PIK3C2G: variants seen among roughly 807,000 people sequenced by gnomAD.
PIK3C2G encodes the protein phosphatidylinositol-4-phosphate 3-kinase catalytic subunit type 2 gamma, also known as phosphatidylinositol 3-kinase C2 domain-containing subunit gamma.
In PIK3C2G, 168 loss-of-function variants were observed where a neutral mutation model predicts 181.1. The observed-to-expected ratio is 0.93, with a 90% confidence interval of 0.82 to 1.05. The LOEUF (loss-of-function observed/expected upper bound fraction) is 1.05. Among genes scored for constraint, PIK3C2G ranks in the 50% least tolerant of loss-of-function variants. PIK3C2G has a pLI of 0.00. For missense variants in PIK3C2G, 1,869 were observed against 1,732.8 expected (o/e 1.08, Z -1.40); for synonymous variants, 573 against 592.2 (o/e 0.97, Z 0.47).
intron 29 of PIK3C2G, among the ~76,000 whole-genome samples, chr12:18,586,277 A>G (rs1946772994): frequency 1.3e-5 from 2 of 152,186 alleles, no homozygotes; most frequent in Non-Finnish European, 2.9e-5. Flanking sequence ...GAATCAATCA[A>G]TCTAGGAGTT....
chr12:18,249,774 C>G (rs1374058246), intron 1 of PIK3C2G, among the ~76,000 whole-genome samples: 2 of 52,040 alleles, frequency 3.8e-5, no homozygotes, highest in Non-Finnish European at 8.8e-5. Context: ...AAATCTTCTG[C>G]TAACTTTTTT....
chr12:18,550,888 C>T (rs542781057), intron 26 of PIK3C2G, among the ~76,000 whole-genome samples: 6 of 152,120 alleles, frequency 3.9e-5, no homozygotes, highest in African/African-American at 1.4e-4. Context: ...TAAAGGGCTG[C>T]CCCTCTTGAC....
intron 5 of PIK3C2G, among the ~76,000 whole-genome samples, chr12:18,294,888 T>C (rs2137233633): frequency 6.6e-6 from 1 of 152,016 alleles, no homozygotes; most frequent in South Asian, 2.1e-4. Context: ...ACTGTCATTA[T>C]TATTCCATCA....
chr12:18,434,851 CA>C (rs924240282), intron 18 of PIK3C2G, among the ~76,000 whole-genome samples: 2 of 151,788 alleles, frequency 1.3e-5, no homozygotes, highest in Non-Finnish European at 2.9e-5. Flanking sequence ...TCTTAACAGA[CA>C]AAAAAAGATT....
At chr12:18,625,930 G>T (rs1295174257) in intron 31 of PIK3C2G, among the ~76,000 whole-genome samples, 1 of 151,806 alleles carries the variant, frequency 6.6e-6, no homozygotes, top group Non-Finnish European at 1.5e-5. Flanking sequence ...TGAACGTCTT[G>T]CAGACAGCAT....
intron 25 of PIK3C2G, among the ~76,000 whole-genome samples, chr12:18,545,425 A>G (rs1298875580): frequency 6.6e-6 from 1 of 151,860 alleles, no homozygotes; most frequent in Non-Finnish European, 1.5e-5. Flanking sequence ...TATCATTCTT[A>G]ACATCTTATT....
chr12:18,270,498 T>G (rs571505195), intron 1 of PIK3C2G, among the ~76,000 whole-genome samples: 2 of 152,290 alleles, frequency 1.3e-5, no homozygotes, highest in Non-Finnish European at 2.9e-5. Flanking sequence ...GGACTACTAC[T>G]GTTTTCCAGG....
Position 18,291,040 on chromosome 12 carries a change from A to G in PIK3C2G, c.919+28A>G, listed in dbSNP as rs754863721. 6.1e-6 allele frequency: 9 copies of G among 1,484,686 alleles called. No individual in the cohort carries two copies. In the Admixed American group the frequency reaches 1.5e-4, roughly 24 times the overall value. 92.0% of individuals were successfully genotyped at this position (1,484,686 alleles called of 1,614,324 possible). ...AAGCAACCTTGCAAATAAGTCTACA[A>G]ATCTATACAAAGCTGGTATTGGCGA... On this transcript the variant is annotated intron_variant, in intron 4 of 32. Transcript: ENST00000538779.
intron 16 of PIK3C2G, among the ~76,000 whole-genome samples, chr12:18,408,571 A>T (rs1336811531): frequency 1.3e-5 from 2 of 152,172 alleles, no homozygotes; most frequent in Non-Finnish European, 2.9e-5. Context: ...GGATCTAATT[A>T]AACTAAAGAG....
At chr12:18,695,362 C>G in the PIK3C2G span, among the ~76,000 whole-genome samples, 2 of 152,124 alleles carry the variant, frequency 1.3e-5, no homozygotes, top group Non-Finnish European at 2.9e-5. Flanking sequence ...TAACAATGTT[C>G]ATGTCAGGTA....
At chr12:18,311,100 T>A (rs11044022) in intron 5 of PIK3C2G, among the ~76,000 whole-genome samples, 39,592 of 151,698 alleles carry the variant, frequency 0.26, 5,435 homozygotes, top group Admixed American at 0.33. Flanking sequence ...ATTCCTATAA[T>A]GTAATTTGAA....
At chr12:18,542,643 A>G (rs568047751) in intron 25 of PIK3C2G, among the ~76,000 whole-genome samples, 1 of 151,944 alleles carries the variant, frequency 6.6e-6, no homozygotes, top group Non-Finnish European at 1.5e-5. Context: ...CCCTCTTATA[A>G]GTGAGAATAT....
intron 31 of PIK3C2G, among the ~76,000 whole-genome samples, chr12:18,631,255 A>T (rs1366092994): frequency 6.6e-6 from 1 of 152,178 alleles, no homozygotes; most frequent in South Asian, 2.1e-4. Flanking sequence ...TGAAAAATCA[A>T]TGTCTGTGTT....
intron 28 of PIK3C2G, among the ~76,000 whole-genome samples, chr12:18,564,541 A>G (rs958871048): frequency 4.6e-5 from 7 of 151,930 alleles, no homozygotes; most frequent in Non-Finnish European, 8.8e-5. Context: ...AGTAGTTCAC[A>G]TTCATGAAAA....
the PIK3C2G span, among the ~76,000 whole-genome samples, chr12:18,704,102 A>G: frequency 6.6e-6 from 1 of 152,176 alleles, no homozygotes; most frequent in South Asian, 2.1e-4. Flanking sequence ...TGGTGTTACA[A>G]CAGAAAGTAA....
chr12:18,526,285 A>G (rs1417678027), intron 24 of PIK3C2G, among the ~76,000 whole-genome samples: 3 of 152,170 alleles, frequency 2.0e-5, no homozygotes, highest in Admixed American at 2.0e-4. Context: ...TTTCTTTGAA[A>G]TTAGGTGATT....
At chr12:18,438,608 G>A (rs1304249954) in intron 18 of PIK3C2G, among the ~76,000 whole-genome samples, 1 of 151,816 alleles carries the variant, frequency 6.6e-6, no homozygotes, top group Admixed American at 6.6e-5. Flanking sequence ...TAGGTATACA[G>A]AGCTATAAAG....
intron 24 of PIK3C2G, among the ~76,000 whole-genome samples, chr12:18,522,814 T>A (rs1943003905): frequency 6.6e-6 from 1 of 152,084 alleles, no homozygotes; most frequent in Non-Finnish European, 1.5e-5. Context: ...ATTATTTTAT[T>A]AAATATGCTT....
chr12:18,537,656 T>C (rs1357330779), intron 24 of PIK3C2G, among the ~76,000 whole-genome samples: 1 of 152,050 alleles, frequency 6.6e-6, no homozygotes, highest in African/African-American at 2.4e-5. Context: ...TTTTTTCTCC[T>C]TCACTAAGCA....
Sources: allele counts gnomAD v4.1 joint callset (sites outside exome capture counted in the v4.1 genomes callset), GRCh38; gene constraint gnomAD v4.1.1; transcripts MANE v1.5; gene names NCBI Gene and HGNC (gene_info 2026-07-23, HGNC 2026-07-21).